NUP214: variants seen among roughly 807,000 people sequenced by gnomAD.
The protein encoded by NUP214 is nucleoporin 214.
Under a neutral mutation model 196.2 loss-of-function variants are expected in NUP214, and 79 were observed. The observed-to-expected ratio is 0.40, with a 90% confidence interval of 0.34 to 0.49. NUP214 has a LOEUF of 0.49. Ranked by LOEUF, NUP214 falls within the 20% of genes least tolerant of loss-of-function variation. The pLI is 0.58. For synonymous variants in NUP214, 1,020 were observed against 990.5 expected (o/e 1.03, Z -0.56); for missense variants, 2,468 against 2,539.0 (o/e 0.97, Z 0.60).
chr9:131,138,311 C>T (rs1350126294), intron 9 of NUP214, among the ~76,000 whole-genome samples: 7 of 151,314 alleles, frequency 4.6e-5, no homozygotes, highest in East Asian at 2.0e-4. Context: ...CTCTGCTTTC[C>T]GGGTTCAAGT....
chr9:131,226,040 T>G (rs891251668), intron 32 of NUP214, among the ~76,000 whole-genome samples: 1 of 151,906 alleles, frequency 6.6e-6, no homozygotes, highest in Non-Finnish European at 1.5e-5. Flanking sequence ...AGATGAGAGG[T>G]GGGCGTTTGA....
Position 131,144,508 on chromosome 9 carries a change from G to C in NUP214, c.1523G>C (p.Ser508Thr), listed in dbSNP as rs778994384. 2 of 1,614,122 alleles carry C rather than the reference G, an allele frequency of 1.2e-6. No homozygotes were observed. Among genetic ancestry groups the C allele is most frequent in the Admixed American group, 1.7e-5 (1 of 60,008 alleles). The change falls in exon 12 of 36, where the codon AGC becomes ACC. Residue 508 changes from serine to threonine, a missense_variant. By Grantham distance (58) the Ser-to-Thr change is moderately conservative. This residue lies in a region of NUP214 where 1,801 missense variants were observed against 1,779.4 expected (regional missense o/e 1.01). Transcript: ENST00000359428. ...EPPSYSSGSD[S>T]SKAAPGPGPS... is the part of the protein sequence containing the mutation. ...CCTTCATATTCCAGTGGCTCCGACAGCTCCAAAGCAGCCCCAGGCCCTGGC... is the reference window on the plus strand; with the variant it reads ...CCTTCATATTCCAGTGGCTCCGACACCTCCAAAGCAGCCCCAGGCCCTGGC...
chr9:131,150,915 G>T, intron 16 of NUP214, 150 bp downstream of exon 16: 2 of 722,660 alleles, frequency 2.8e-6, no homozygotes, highest in Non-Finnish European at 2.3e-6. Flanking sequence ...TAGAATCCCT[G>T]AGTTCAAATC....
chr9:131,175,982 A>C (rs540427538), intron 23 of NUP214, among the ~76,000 whole-genome samples: 1 of 152,266 alleles, frequency 6.6e-6, no homozygotes, highest in South Asian at 2.1e-4. Context: ...GTCATCTCTT[A>C]GTATCTTACA....
At chr9:131,212,408 T>A (rs763645446) in intron 30 of NUP214, among the ~76,000 whole-genome samples, 3 of 152,220 alleles carry the variant, frequency 2.0e-5, no homozygotes, top group Admixed American at 6.5e-5. Flanking sequence ...CCTCCCCTTT[T>A]GAAATCCATA....
chr9:131,125,613 A>AG lies in NUP214; in HGVS notation c.-88dup. On this transcript the variant is annotated 5_prime_UTR_variant, in exon 1 of 36. Coordinates refer to ENST00000359428, the MANE Select transcript of NUP214 (RefSeq NM_005085.4). This position sits in a 1 kb window ranked among gnomAD's most constrained non-coding sequence, Gnocchi z 4.1. ...GGTCAACTGCGCGCCGCTGGCGCTG[A>AG]GGGGAGGAAGTTTGCTGTCGAGCGG... The AG allele has an allele frequency of 6.5e-7, 1 of 1,533,844 alleles. No homozygotes were observed. The highest frequency in any genetic ancestry group is 2.5e-5 in the East Asian group (1 of 39,228).
chr9:131,140,549 G>C lies in NUP214; in HGVS notation c.1133G>C (p.Ser378Thr). 6.3e-7 allele frequency: 1 copy of C among 1,599,944 alleles called. No individual in the cohort carries two copies. The highest frequency in any genetic ancestry group is 8.5e-7 in the Non-Finnish European group (1 of 1,176,088). The change falls in exon 11 of 36, where the codon AGT becomes ACT. Residue 378 changes from serine (S) to threonine (T), a missense_variant and splice_region_variant. Around this residue, in one of 5 missense-constraint regions of NUP214, gnomAD observed 1,801 missense variants for 1,779.4 expected, o/e 1.01. Transcript: ENST00000359428. Reference sequence around the variant, plus strand: ...TTATTTTTGTTTTCTTTTTTAACAGGTGATGAAAAGACTCTTCCTCCTGCT... The same window carrying C: ...TTATTTTTGTTTTCTTTTTTAACAGCTGATGAAAAGACTCTTCCTCCTGCT... Reference protein sequence around the residue: ...DYTNQVEITISDEKTLPPAPV... With the variant: ...DYTNQVEITITDEKTLPPAPV...
chr9:131,210,932 A>G lies in NUP214; in HGVS notation c.5593-4280A>G, dbSNP rs577836854. On this transcript the variant is annotated intron_variant, in intron 30 of 35. Coordinates refer to ENST00000359428, the MANE Select transcript of NUP214 (RefSeq NM_005085.4). ...AAGAAGTGCAAAACTTATACAATGAATACTATAAAACATTGTTGAAATTAA... is the reference window on the plus strand; with the variant it reads ...AAGAAGTGCAAAACTTATACAATGAGTACTATAAAACATTGTTGAAATTAA... 2.0e-5 allele frequency among the ~76,000 whole-genome samples: 3 copies of G among 152,352 alleles called. No homozygotes were observed. The East Asian group carries it at 5.8e-4, about 29-fold the overall frequency.
rs1273535357 is a variant in NUP214 at position 131,175,714 on chromosome 9, T to C, written c.3319+93T>C. Reference sequence around the variant, plus strand: ...GCAGGTGGCAAGAAACAGTGGGCGCTCTTTGGTGCCCTTCAGAAGAGAAGA... The same window carrying C: ...GCAGGTGGCAAGAAACAGTGGGCGCCCTTTGGTGCCCTTCAGAAGAGAAGA... On this transcript the variant is annotated intron_variant, in intron 23 of 35. Coordinates refer to ENST00000359428, the MANE Select transcript of NUP214 (RefSeq NM_005085.4). 2.0e-6 allele frequency: 3 copies of C among 1,464,752 alleles called. No homozygotes were observed. The African/African-American group carries it at 4.3e-5, about 21-fold the overall frequency. 90.7% of individuals were successfully genotyped at this position (1,464,752 alleles called of 1,614,324 possible).
chr9:131,208,412 T>C (rs932252559), intron 30 of NUP214, among the ~76,000 whole-genome samples: 8 of 152,220 alleles, frequency 5.3e-5, no homozygotes, highest in Admixed American at 4.6e-4. Flanking sequence ...GGAGTGAAGT[T>C]CTTGGCCGGG....
chr9:131,157,724 C>A (rs914722459), intron 17 of NUP214, among the ~76,000 whole-genome samples: 1 of 152,036 alleles, frequency 6.6e-6, no homozygotes, highest in African/African-American at 2.4e-5. Context: ...CAGCTCACTG[C>A]GACTTCCACC....
At chr9:131,220,036 T>C (rs1834516181) in intron 31 of NUP214, among the ~76,000 whole-genome samples, 1 of 152,096 alleles carries the variant, frequency 6.6e-6, no homozygotes, top group Non-Finnish European at 1.5e-5. Context: ...CTAGTGTTTT[T>C]GCCAAATAAA....
intron 17 of NUP214, among the ~76,000 whole-genome samples, chr9:131,152,883 C>T (rs1294783901): frequency 6.6e-6 from 1 of 152,074 alleles, no homozygotes; most frequent in Non-Finnish European, 1.5e-5. Context: ...TCAAGTGATC[C>T]TCCCACCTCA....
chr9:131,151,696 A>G (rs370324332), intron 16 of NUP214, 40 bp from the exon 17 acceptor site: 2 of 1,546,012 alleles, frequency 1.3e-6, no homozygotes, highest in African/African-American at 2.8e-5. Context: ...ATTTGGACGT[A>G]ACAACTTTTT....
intron 31 of NUP214, among the ~76,000 whole-genome samples, chr9:131,216,213 C>CTTTTTT (rs113694633): frequency 6.5e-5 from 8 of 122,752 alleles, no homozygotes; most frequent in Non-Finnish European, 1.0e-4. Context: ...TTTAAAAATT[C>CTTTTTT]TTTTTTTTTT....
chr9:131,131,854 A>G (rs1831553869), intron 5 of NUP214, among the ~76,000 whole-genome samples: 1 of 151,226 alleles, frequency 6.6e-6, no homozygotes, highest in African/African-American at 2.4e-5. Context: ...ATGCACAGCT[A>G]ATTTTTGTAT....
At chr9:131,228,817 G>C (rs1834794699) in intron 33 of NUP214, 1 of 152,702 alleles carries the variant, frequency 6.5e-6, no homozygotes, top group South Asian at 2.0e-4. Context: ...CAGTTGCACA[G>C]GTCCTCCCGT....
intron 31 of NUP214, 94 bp from the exon 32 acceptor site, chr9:131,222,684 T>C: frequency 6.9e-7 from 1 of 1,452,646 alleles, no homozygotes; most frequent in Non-Finnish European, 9.2e-7. Flanking sequence ...ACTCCCATCT[T>C]TCCAAACACC....
chr9:131,162,839 T>A, intron 18 of NUP214, 152 bp from the exon 19 acceptor site: 1 of 736,380 alleles, frequency 1.4e-6, no homozygotes, highest in Non-Finnish European at 2.2e-6. Flanking sequence ...CTCCTTTTTA[T>A]TTTCTAGTAA....
Sources: allele counts gnomAD v4.1 joint callset (sites outside exome capture counted in the v4.1 genomes callset), GRCh38; gene constraint gnomAD v4.1.1; regional missense constraint gnomAD v4.1.1; non-coding constraint Gnocchi (gnomAD v3.1); transcripts MANE v1.5; gene names NCBI Gene and HGNC (gene_info 2026-07-23, HGNC 2026-07-21).